Variants in KCNQ1OT1 observed in about 807,000 individuals in gnomAD.
The protein encoded by KCNQ1OT1 is KCNQ1 antisense RNA 2 (non-protein coding).
chr11:2,696,916 T>C (rs1850686437), exon 1 of KCNQ1OT1: 2 of 398,592 alleles, frequency 5.0e-6, no homozygotes, highest in Admixed American at 8.8e-5. Flanking sequence ...ACTGATCTTA[T>C]ATCCAAAACC....
chr11:2,675,505 C>T (rs1297447573), exon 1 of KCNQ1OT1: 3 of 398,554 alleles, frequency 7.5e-6, no homozygotes, highest in Non-Finnish European at 1.3e-5. Context: ...ATAGCAGTCA[C>T]AACATGCCAT....
chr11:2,652,605 C>G lies in KCNQ1OT1; in HGVS notation n.47390G>C. The G allele has an allele frequency of 2.5e-6, 1 of 398,600 alleles. No homozygotes were observed. The highest frequency in any genetic ancestry group is 4.4e-6 in the Non-Finnish European group (1 of 226,082). The allele number at this position is 398,600 out of a possible 1,614,324, so 24.7% of individuals were successfully genotyped here. On this transcript the variant is annotated non_coding_transcript_exon_variant, in exon 1 of 1. Transcript: ENST00000597346. The surrounding 1 kb of genome is among the most constrained non-coding windows in gnomAD (Gnocchi z 5.9). ...CTGCTCTTGCTGCCTGGAACCTTCC[C>G]CTGAAAATGTGTCTTGGGAGACCTA...
chr11:2,631,535 C>A (rs529938767), exon 1 of KCNQ1OT1: 21 of 398,418 alleles, frequency 5.3e-5, no homozygotes, highest in African/African-American at 2.7e-4. Context: ...TTCCTTAAAT[C>A]AGTCGTTTTT....
exon 1 of KCNQ1OT1, chr11:2,614,114 C>A: frequency 2.5e-6 from 1 of 398,488 alleles, no homozygotes; most frequent in Non-Finnish European, 4.4e-6. Flanking sequence ...GCTCACCATT[C>A]TTTGGCTTTC....
At chr11:2,625,176 C>T (rs909967108) in exon 1 of KCNQ1OT1, 29 of 398,524 alleles carry the variant, frequency 7.3e-5, no homozygotes, top group Non-Finnish European at 2.2e-5. Context: ...AGAGGCTGTA[C>T]CATTTTGCAT....
exon 1 of KCNQ1OT1, chr11:2,644,460 C>T (rs1262598464): frequency 2.5e-6 from 1 of 398,238 alleles, no homozygotes; most frequent in Admixed American, 4.4e-5. Flanking sequence ...GGGCAAATTT[C>T]TCATTCATAC....
In KCNQ1OT1 at chr11:2,612,911, C is replaced by T; in HGVS notation, n.87084G>A. ...TTTCTGTTACTCATTTATTTGTTTG[C>T]TCGCTTGTGTATGCCTTCTCTGCAT... On this transcript the variant is annotated non_coding_transcript_exon_variant, in exon 1 of 1. Transcript: ENST00000597346. The surrounding 1 kb of genome is among the most constrained non-coding windows in gnomAD (Gnocchi z 5.5). 2.5e-6 allele frequency: 1 copy of T among 398,548 alleles called. No homozygotes were observed. Among genetic ancestry groups the T allele is most frequent in the Non-Finnish European group, 4.4e-6 (1 of 226,058 alleles). The allele number at this position is 398,548 out of a possible 1,614,324, so 24.7% of individuals were successfully genotyped here. A position where few individuals can be genotyped will look rare whatever the true frequency, so the allele number is the denominator to read the frequency against.
exon 1 of KCNQ1OT1, chr11:2,631,069 T>A (rs188646242): frequency 3.6e-4 from 145 of 398,572 alleles, no homozygotes; most frequent in African/African-American, 2.9e-3. Flanking sequence ...CTCTTTTAGA[T>A]GGAAACTAAT....
At chr11:2,692,868 C>T (rs1850611139) in exon 1 of KCNQ1OT1, 1 of 398,672 alleles carries the variant, frequency 2.5e-6, no homozygotes, top group Middle Eastern at 6.3e-4. Context: ...CCTGGGAAGG[C>T]ACTGTGCTGT....
Position 2,652,657 on chromosome 11 carries a change from C to A in KCNQ1OT1, n.47338G>T. 2.5e-6 allele frequency: 1 copy of A among 398,754 alleles called. No homozygotes were observed. The highest frequency in any genetic ancestry group is 4.4e-6 in the Non-Finnish European group (1 of 226,192). The allele number at this position is 398,754 out of a possible 1,614,324, so 24.7% of individuals were successfully genotyped here. ...ACAGTGACTTCCTGCAGCATGGAGA[C>A]CCGGGTGGGTCGATTTTAGTTGTGT... On this transcript the variant is annotated non_coding_transcript_exon_variant, in exon 1 of 1. Transcript: ENST00000597346. The surrounding 1 kb of genome is among the most constrained non-coding windows in gnomAD (Gnocchi z 5.9).
chr11:2,636,542 A>G (rs1849468347), exon 1 of KCNQ1OT1: 1 of 152,120 alleles, frequency 6.6e-6, no homozygotes, highest in Non-Finnish European at 1.5e-5. Context: ...AGCCCACTTG[A>G]TCATGGTGGA....
At chr11:2,618,806 C>T (rs1188366538) in exon 1 of KCNQ1OT1, 1 of 398,188 alleles carries the variant, frequency 2.5e-6, no homozygotes, top group Non-Finnish European at 4.4e-6. Context: ...TATTCAGATT[C>T]ATGAGCATGG....
rs531524815 is a variant in KCNQ1OT1, at chr11:2,673,221, T to TA, written n.26773_26774insT. ...CCGAACTGTGACTAGGCAAGCTGAG[T>TA]CCCCTGTAGATTCTGGGGACTGGGT... On this transcript the variant is annotated non_coding_transcript_exon_variant, in exon 1 of 1. Transcript: ENST00000597346. The surrounding 1 kb of genome is among the most constrained non-coding windows in gnomAD (Gnocchi z 4.5). 2.7e-4 allele frequency: 109 copies of TA among 398,576 alleles called. No individual in the cohort carries two copies. The highest frequency in any genetic ancestry group is 2.1e-3 in the African/African-American group (102 of 48,716). 24.7% of individuals were successfully genotyped at this position (398,576 alleles called of 1,614,324 possible).
chr11:2,624,082 A>G lies in KCNQ1OT1; in HGVS notation n.75913T>C. ...CCCCACATATTGGCAAGTATTTGGT[A>G]TTGTCAGTGTTTTGAATTTTGGCCA... On this transcript the variant is annotated non_coding_transcript_exon_variant, in exon 1 of 1. Coordinates refer to ENST00000597346, the Ensembl canonical transcript of KCNQ1OT1. The surrounding 1 kb of genome is among the most constrained non-coding windows in gnomAD (Gnocchi z 4.9). The G allele has an allele frequency of 2.5e-6, 1 of 398,692 alleles. No individual in the cohort carries two copies. The highest frequency in any genetic ancestry group is 4.4e-6 in the Non-Finnish European group (1 of 226,170). The allele number at this position is 398,692 out of a possible 1,614,324, so 24.7% of individuals were successfully genotyped here.
chr11:2,673,137 C>T lies in KCNQ1OT1; in HGVS notation n.26858G>A, dbSNP rs151211. The T allele has an allele frequency of 2.3e-5, 9 of 398,680 alleles. No individual in the cohort carries two copies. In the East Asian group the frequency reaches 3.2e-4, roughly 14 times the overall value. 24.7% of individuals were successfully genotyped at this position (398,680 alleles called of 1,614,324 possible). A position where few individuals can be genotyped will look rare whatever the true frequency, so the allele number is the denominator to read the frequency against. On this transcript the variant is annotated non_coding_transcript_exon_variant, in exon 1 of 1. Transcript: ENST00000597346. This position sits in a 1 kb window ranked among gnomAD's most constrained non-coding sequence, Gnocchi z 4.5. ...AGCAGGCAGCATCAGGGCAGGGGTG[C>T]TGACCATCCCTGACCCAAGCACGAG...
In KCNQ1OT1 at chr11:2,668,759, C is replaced by T. The variant is rs919147433; in HGVS notation, n.31236G>A. 5.0e-6 allele frequency: 2 copies of T among 398,492 alleles called. No individual in the cohort carries two copies. The highest frequency in any genetic ancestry group is 4.1e-5 in the African/African-American group (2 of 48,602). The allele number at this position is 398,492 out of a possible 1,614,324, so 24.7% of individuals were successfully genotyped here. ...CTCCCCCTCTGCAGGCTGCCTTCTTCCTCTCTTGATGGTGTCTTTTGATGA... is the reference window on the plus strand; with the variant it reads ...CTCCCCCTCTGCAGGCTGCCTTCTTTCTCTCTTGATGGTGTCTTTTGATGA... On this transcript the variant is annotated non_coding_transcript_exon_variant, in exon 1 of 1. Coordinates refer to ENST00000597346, the Ensembl canonical transcript of KCNQ1OT1. The surrounding 1 kb of genome is among the most constrained non-coding windows in gnomAD (Gnocchi z 4.3).
At chr11:2,641,897 C>T in exon 1 of KCNQ1OT1, 1 of 398,392 alleles carries the variant, frequency 2.5e-6, no homozygotes, top group East Asian at 3.6e-5. Flanking sequence ...GTGCTCTTTT[C>T]CCAGTGTATG....
chr11:2,678,037 G>C lies in KCNQ1OT1; in HGVS notation n.21958C>G, dbSNP rs941156589. The C allele has an allele frequency of 1.3e-5, 5 of 398,158 alleles. No individual in the cohort carries two copies. In the East Asian group the frequency reaches 1.8e-4, roughly 14 times the overall value. 24.7% of individuals were successfully genotyped at this position (398,158 alleles called of 1,614,324 possible). On this transcript the variant is annotated non_coding_transcript_exon_variant, in exon 1 of 1. Transcript: ENST00000597346. This position sits in a 1 kb window ranked among gnomAD's most constrained non-coding sequence, Gnocchi z 4.9. Reference sequence around the variant, plus strand: ...AAAATCATTTGTTTTTCTTTCTTGTGAACTATTTCTTCATACCCTTTGGAC... The same window carrying C: ...AAAATCATTTGTTTTTCTTTCTTGTCAACTATTTCTTCATACCCTTTGGAC...
At chr11:2,646,476 A>C in exon 1 of KCNQ1OT1, 1 of 398,086 alleles carries the variant, frequency 2.5e-6, no homozygotes. Flanking sequence ...TGCTTTCTTC[A>C]TTTCTCTTTT....
Sources: gnomAD v4.1 joint callset for allele counts on GRCh38, gnomAD v4.1.1 for gene constraint, Gnocchi (gnomAD v3.1) non-coding constraint, MANE v1.5 for transcripts, NCBI Gene and HGNC (gene_info 2026-07-23, HGNC 2026-07-21) for gene names.